Variants in KCNAB1 observed in about 807,000 individuals in gnomAD.
KCNAB1 encodes voltage-gated potassium channel subunit beta-1.
A neutral mutation model predicts 64.6 loss-of-function variants in KCNAB1; 35 were observed. That is an observed-to-expected ratio of 0.54 (90% CI 0.41 to 0.72). The LOEUF is 0.72. Ranked by LOEUF, KCNAB1 falls within the 30% of genes least tolerant of loss-of-function variation. KCNAB1 has a pLI of 0.00. For missense variants in KCNAB1, 401 were observed against 512.9 expected, an observed-to-expected ratio of 0.78 and a Z score of 2.11; for synonymous variants, 177 against 183.8, an observed-to-expected ratio of 0.96 and a Z score of 0.30.
At chr3:156,252,342 C>G (rs1025077166) in intron 1 of KCNAB1, among the ~76,000 whole-genome samples, 3 of 152,164 alleles carry the variant, frequency 2.0e-5, no homozygotes, top group Admixed American at 6.5e-5. Context: ...CCCCTGTTTG[C>G]TGGCTGAGAG....
chr3:156,119,630 G>C (rs185769225), upstream of KCNAB1, among the ~76,000 whole-genome samples: 149 of 152,284 alleles, frequency 9.8e-4, no homozygotes, highest in African/African-American at 3.4e-3. Context: ...TAAGTTGATT[G>C]AGGGGGAGGG....
intron 3 of KCNAB1, among the ~76,000 whole-genome samples, chr3:156,455,162 T>C (rs1428617444): frequency 1.3e-5 from 2 of 152,198 alleles, no homozygotes; most frequent in African/African-American, 4.8e-5. Flanking sequence ...GCTTTCCGTG[T>C]AGCAAAAATG....
At chr3:156,408,396 C>T (rs1345722555) in intron 1 of KCNAB1, among the ~76,000 whole-genome samples, 1 of 152,188 alleles carries the variant, frequency 6.6e-6, no homozygotes, top group African/African-American at 2.4e-5. Context: ...CCTAACCTCT[C>T]GCAGCCTCTG....
At chr3:156,418,049 T>C (rs541760201) in intron 1 of KCNAB1, among the ~76,000 whole-genome samples, 52 of 152,232 alleles carry the variant, frequency 3.4e-4, no homozygotes, top group Non-Finnish European at 6.5e-4. Flanking sequence ...AGCTTTTATT[T>C]TGAGTTGAAC....
At chr3:156,292,583 G>C (rs1395459511) in intron 1 of KCNAB1, among the ~76,000 whole-genome samples, 1 of 152,112 alleles carries the variant, frequency 6.6e-6, no homozygotes, top group Non-Finnish European at 1.5e-5. Flanking sequence ...TGTTGCCCAG[G>C]CTGGAGTGCA....
chr3:156,383,609 A>T (rs1712342925), intron 1 of KCNAB1, among the ~76,000 whole-genome samples: 1 of 152,162 alleles, frequency 6.6e-6, no homozygotes, highest in South Asian at 2.1e-4. Flanking sequence ...CATCACTGTG[A>T]AGATAAATTC....
chr3:156,350,105 G>A (rs6441061), intron 1 of KCNAB1, among the ~76,000 whole-genome samples: 40,509 of 152,014 alleles, frequency 0.27, 7,640 homozygotes, highest in African/African-American at 0.54. Context: ...TTTTTATGCT[G>A]TTGTTACCTG....
chr3:156,446,505 C>T (rs1711567160), intron 2 of KCNAB1, among the ~76,000 whole-genome samples: 1 of 152,172 alleles, frequency 6.6e-6, no homozygotes, highest in Admixed American at 6.5e-5. Flanking sequence ...ATTATGACTA[C>T]ATTTGGTCAG....
chr3:156,228,529 G>A (rs1716324410), intron 1 of KCNAB1, among the ~76,000 whole-genome samples: 1 of 152,198 alleles, frequency 6.6e-6, no homozygotes, highest in Non-Finnish European at 1.5e-5. Context: ...TCACTAGCCT[G>A]CCTCTTCGGG....
intron 1 of KCNAB1, chr3:156,176,996 C>G (rs749309320): frequency 7.8e-5 from 49 of 630,528 alleles, no homozygotes; most frequent in Non-Finnish European, 1.2e-4. Flanking sequence ...TCTCCCATCC[C>G]TCAGTGCATA....
chr3:156,536,189 G>C (rs1719043959), intron 13 of KCNAB1, among the ~76,000 whole-genome samples: 1 of 152,250 alleles, frequency 6.6e-6, no homozygotes, highest in South Asian at 2.1e-4. Context: ...ATGCGGGAAA[G>C]ATGGTGAGTC....
chr3:156,283,949 G>A lies in KCNAB1; in HGVS notation c.276-137667G>A, dbSNP rs1181197820. 2.6e-5 allele frequency among the ~76,000 whole-genome samples: 4 copies of A among 151,598 alleles called. No individual in the cohort carries two copies. In the East Asian group the frequency reaches 7.7e-4, roughly 29 times the overall value. ...GCTCAGAGTAATTTGATCGTCTGAAGCCTTCTTCTCTCAGCTCGTCAAAGT... is the reference window on the plus strand; with the variant it reads ...GCTCAGAGTAATTTGATCGTCTGAAACCTTCTTCTCTCAGCTCGTCAAAGT... On this transcript the variant is annotated intron_variant, in intron 1 of 13. Coordinates refer to ENST00000490337, the MANE Select transcript of KCNAB1 (RefSeq NM_172160.3).
chr3:156,251,406 G>A (rs1717821576), intron 1 of KCNAB1, among the ~76,000 whole-genome samples: 1 of 152,184 alleles, frequency 6.6e-6, no homozygotes, highest in African/African-American at 2.4e-5. Flanking sequence ...ATGAGGAAAG[G>A]ACGACAACAC....
chr3:156,473,797 C>A (rs986563705), intron 7 of KCNAB1, among the ~76,000 whole-genome samples: 1 of 152,090 alleles, frequency 6.6e-6, no homozygotes, highest in African/African-American at 2.4e-5. Context: ...GAGACTAAAG[C>A]CTCTGGTCTC....
chr3:156,240,483 C>T (rs1211938378), intron 1 of KCNAB1, among the ~76,000 whole-genome samples: 2 of 152,130 alleles, frequency 1.3e-5, no homozygotes, highest in East Asian at 1.9e-4. Flanking sequence ...ACTCCCTCTC[C>T]ACAGAGACAA....
At chr3:156,288,185 C>G (rs1720200933) in intron 1 of KCNAB1, among the ~76,000 whole-genome samples, 2 of 152,190 alleles carry the variant, frequency 1.3e-5, no homozygotes, top group African/African-American at 4.8e-5. Flanking sequence ...CTAATCTCCT[C>G]CTTCTATATG....
chr3:156,265,862 C>T (rs990006514), intron 1 of KCNAB1, among the ~76,000 whole-genome samples: 9 of 152,196 alleles, frequency 5.9e-5, no homozygotes, highest in Admixed American at 4.6e-4. Flanking sequence ...TGTGGTAGCT[C>T]ATGCCTGTAG....
intron 7 of KCNAB1, among the ~76,000 whole-genome samples, chr3:156,467,998 C>T (rs1217516679): frequency 6.6e-6 from 1 of 151,958 alleles, no homozygotes; most frequent in Non-Finnish European, 1.5e-5. Context: ...ATTTCTTTGT[C>T]TTGGTCATAA....
chr3:156,298,789 T>C (rs1720961591), intron 1 of KCNAB1, among the ~76,000 whole-genome samples: 1 of 152,214 alleles, frequency 6.6e-6, no homozygotes. Context: ...TTCAGATAAA[T>C]AGCTATTAGG....
Sources: allele counts gnomAD v4.1 joint callset (sites outside exome capture counted in the v4.1 genomes callset), GRCh38; gene constraint gnomAD v4.1.1; transcripts MANE v1.5; gene names NCBI Gene and HGNC (gene_info 2026-07-23, HGNC 2026-07-21).